Variants in TBL1X observed in about 807,000 individuals in gnomAD.
The protein encoded by TBL1X is transducin beta like 1 X-linked, also known as F-box-like/WD repeat-containing protein TBL1X.
In TBL1X, 10 loss-of-function variants were observed where a neutral mutation model predicts 50.7. The ratio of observed to expected loss-of-function variants is 0.20; its 90% CI spans 0.12 to 0.33. The LOEUF is 0.33. TBL1X is among the 10% of genes least tolerant of loss of function. The pLI, the probability that TBL1X is intolerant of heterozygous loss-of-function variation, is 1.00. For missense variants in TBL1X, 340 were observed against 504.4 expected (o/e 0.67, Z 3.12); for synonymous variants, 190 against 214.7 (o/e 0.88, Z 1.01).
chrX:9,511,864 GT>G (rs200432769), intron 2 of TBL1X, among the ~76,000 whole-genome samples: 1 of 110,172 alleles, frequency 9.1e-6, no homozygotes, highest in African/African-American at 3.3e-5. Context: ...ACATTTATCT[GT>G]TTTTTTTTCT....
chrX:9,487,690 C>T lies in TBL1X; in HGVS notation c.-200-14090C>T, dbSNP rs182248433. ...TTTCTCTTTCGCATTTGCTGTAGTT[C>T]CTCCAAATTTCTCCCACTTTCCTAT... On this transcript the variant is annotated intron_variant, in intron 1 of 17. Transcript: ENST00000645353. Among the ~76,000 whole-genome samples, 128 of 112,179 alleles carry T rather than the reference C, an allele frequency of 1.1e-3. 1 individual carries two copies. The highest frequency in any genetic ancestry group is 4.0e-3 in the African/African-American group (123 of 30,941).
intron 2 of TBL1X, among the ~76,000 whole-genome samples, chrX:9,604,355 C>T (rs2082571781): frequency 8.9e-6 from 1 of 112,193 alleles, no homozygotes; most frequent in South Asian, 3.7e-4. Context: ...GGTCAAAAGC[C>T]AGATGCAGAA....
At chrX:9,559,897 T>C (rs1321479375) in intron 2 of TBL1X, among the ~76,000 whole-genome samples, 2 of 112,320 alleles carry the variant, frequency 1.8e-5, no homozygotes, top group African/African-American at 6.5e-5. Flanking sequence ...GAAGGAAATA[T>C]CTGCAGCCTT....
At chrX:9,660,519 T>A (rs1601822759) in intron 5 of TBL1X, among the ~76,000 whole-genome samples, 1 of 112,063 alleles carries the variant, frequency 8.9e-6, no homozygotes, top group East Asian at 2.8e-4. Context: ...GCTCTAAAGA[T>A]TTAAAGACCC....
chrX:9,502,706 T>C (rs1277504181), intron 2 of TBL1X, among the ~76,000 whole-genome samples: 2 of 112,635 alleles, frequency 1.8e-5, no homozygotes, highest in Non-Finnish European at 3.7e-5. Flanking sequence ...TTCTTTCATC[T>C]CTGCTGTTCA....
Position 9,716,698 on chromosome X carries a change from A to T in TBL1X, c.*452A>T, listed in dbSNP as rs16985675. The T allele has an allele frequency of 8.8e-6, 1 of 113,787 alleles. No homozygotes were observed. The highest frequency in any genetic ancestry group is 1.8e-5 in the Non-Finnish European group (1 of 55,659). 9.4% of individuals were successfully genotyped at this position (113,787 alleles called of 1,213,427 possible). ...TTTTCCCTAACAATTTGGACACTAC[A>T]ATTGCTCTCACAAAGGAGGTTCAAA... is the stretch of plus-strand genomic sequence containing the variant. On this transcript the variant is annotated 3_prime_UTR_variant, in exon 18 of 18. Transcript: ENST00000645353.
intron 1 of TBL1X, among the ~76,000 whole-genome samples, chrX:9,486,228 A>G (rs1364976030): frequency 9.6e-6 from 1 of 103,672 alleles, no homozygotes; most frequent in Admixed American, 1.0e-4. Flanking sequence ...ATTTTTTTCT[A>G]TTGATAATAG....
chrX:9,473,121 G>A (rs1224288420), intron 1 of TBL1X, among the ~76,000 whole-genome samples: 2 of 111,148 alleles, frequency 1.8e-5, no homozygotes, highest in Non-Finnish European at 3.8e-5. Context: ...TGTAAAAATC[G>A]GTAGTGCCAA....
chrX:9,546,963 C>T (rs1259366023), intron 2 of TBL1X, among the ~76,000 whole-genome samples: 31 of 104,014 alleles, frequency 3.0e-4, no homozygotes, highest in African/African-American at 9.1e-4. Flanking sequence ...GGACTACAGG[C>T]GCCCGCTACC....
intron 2 of TBL1X, among the ~76,000 whole-genome samples, chrX:9,575,365 A>G (rs1488160212): frequency 9.0e-6 from 1 of 111,092 alleles, no homozygotes; most frequent in Admixed American, 9.6e-5. Context: ...GTCACTTCCC[A>G]TTCTTCCCTC....
rs144802973 is a variant in TBL1X at position 9,680,930 on chromosome X, A to C, written c.212-3113A>C. Among the ~76,000 whole-genome samples the C allele has an allele frequency of 6.9e-3, 781 of 112,442 alleles. 3 individuals carry two copies. The highest frequency in any genetic ancestry group is 0.012 in the Non-Finnish European group (633 of 53,307). On this transcript the variant is annotated intron_variant, in intron 5 of 17. Coordinates refer to ENST00000645353, the MANE Select transcript of TBL1X (RefSeq NM_005647.4). Reference sequence around the variant, plus strand: ...GCAGACGACTTTCAGCTCTTTGCAGAAGTCTCAGACGCCACATCCTTAGTC... The same window carrying C: ...GCAGACGACTTTCAGCTCTTTGCAGCAGTCTCAGACGCCACATCCTTAGTC...
At chrX:9,531,614 G>GTAGA (rs2082162302) in intron 2 of TBL1X, among the ~76,000 whole-genome samples, 1 of 111,024 alleles carries the variant, frequency 9.0e-6, no homozygotes, top group African/African-American at 3.3e-5. Flanking sequence ...TTTAAGAAGA[G>GTAGA]TAGATCTGTG....
At chrX:9,472,586 C>T (rs1332643350) in intron 1 of TBL1X, among the ~76,000 whole-genome samples, 2 of 110,186 alleles carry the variant, frequency 1.8e-5, no homozygotes, top group Non-Finnish European at 1.9e-5. Flanking sequence ...GCTACTGTTC[C>T]TGGCCAACAT....
At chrX:9,535,824 C>T (rs1312737450) in intron 2 of TBL1X, among the ~76,000 whole-genome samples, 2 of 111,972 alleles carry the variant, frequency 1.8e-5, no homozygotes, top group Non-Finnish European at 3.8e-5. Flanking sequence ...AGTGTGCATA[C>T]GAGGAACAGA....
At chrX:9,491,323 TATATATA>T (rs1242295531) in intron 1 of TBL1X, among the ~76,000 whole-genome samples, 28 of 42,236 alleles carry the variant, frequency 6.6e-4, no homozygotes, top group African/African-American at 2.9e-3. Context: ...TATATATATA[TATATATA>T]TATATATATT....
At chrX:9,565,927 T>C (rs2082349134) in intron 2 of TBL1X, among the ~76,000 whole-genome samples, 1 of 112,007 alleles carries the variant, frequency 8.9e-6, no homozygotes, top group South Asian at 3.7e-4. Flanking sequence ...AAGTGGTTGC[T>C]TTGGGAAGTG....
At chrX:9,656,864 C>G (rs767678033) in intron 5 of TBL1X, among the ~76,000 whole-genome samples, 6 of 112,137 alleles carry the variant, frequency 5.4e-5, no homozygotes, top group African/African-American at 1.9e-4. Flanking sequence ...TTGGTTAGGT[C>G]AATAGTCATT....
chrX:9,533,705 G>T (rs1282842666), intron 2 of TBL1X, among the ~76,000 whole-genome samples: 1 of 111,158 alleles, frequency 9.0e-6, no homozygotes, highest in African/African-American at 3.3e-5. Context: ...TTTTGAAAAT[G>T]TGGAGGTCAG....
At chrX:9,661,223 G>A (rs1311656871) in intron 5 of TBL1X, among the ~76,000 whole-genome samples, 5 of 112,576 alleles carry the variant, frequency 4.4e-5, no homozygotes, top group Non-Finnish European at 9.4e-5. Flanking sequence ...CATTCATTTC[G>A]TGAAGCTTCC....
Sources: gnomAD v4.1 joint callset for allele counts (sites outside exome capture counted in the v4.1 genomes callset) on GRCh38, gnomAD v4.1.1 for gene constraint, MANE v1.5 for transcripts, NCBI Gene and HGNC (gene_info 2026-07-23, HGNC 2026-07-21) for gene names.